SLC24A2: variants seen among roughly 807,000 people sequenced by gnomAD.
SLC24A2 encodes the protein solute carrier family 24 member 2, also known as sodium/potassium/calcium exchanger 2.
In SLC24A2, 36 loss-of-function variants were observed where a neutral mutation model predicts 62.0. That is an observed-to-expected ratio of 0.58 (90% confidence interval 0.44 to 0.77). The LOEUF is 0.77. Among genes scored for constraint, SLC24A2 ranks in the 30% least tolerant of loss-of-function variants. The pLI is 0.00. For synonymous variants in SLC24A2, 358 were observed against 294.0 expected (o/e 1.22, Z -2.23); for missense variants, 846 against 817.9 (o/e 1.03, Z -0.42).
the SLC24A2 span, among the ~76,000 whole-genome samples, chr9:20,303,154 T>C: frequency 6.6e-6 from 1 of 152,118 alleles, no homozygotes; most frequent in Non-Finnish European, 1.5e-5. Flanking sequence ...GAAAAATTCA[T>C]CATAAGGCTG....
At chr9:20,073,668 A>T in the SLC24A2 span, among the ~76,000 whole-genome samples, 177 of 151,766 alleles carry the variant, frequency 1.2e-3, 2 homozygotes, top group East Asian at 0.017. Flanking sequence ...CTTCCACAGG[A>T]CTCGTTAAAA....
the SLC24A2 span, among the ~76,000 whole-genome samples, chr9:20,147,693 GA>G: frequency 6.6e-6 from 1 of 151,950 alleles, no homozygotes; most frequent in South Asian, 2.1e-4. Flanking sequence ...CTTCCCTTCT[GA>G]AATAAACTCA....
At chr9:20,140,473 G>T in the SLC24A2 span, among the ~76,000 whole-genome samples, 1 of 152,176 alleles carries the variant, frequency 6.6e-6, no homozygotes, top group African/African-American at 2.4e-5. Context: ...CTATTCCCTT[G>T]TGAAGACTCA....
At chr9:19,531,344 G>A (rs529598429) in intron 8 of SLC24A2, among the ~76,000 whole-genome samples, 10 of 152,318 alleles carry the variant, frequency 6.6e-5, no homozygotes, top group African/African-American at 2.2e-4. Flanking sequence ...TCATTGGAAG[G>A]AAGAAAATAG....
the SLC24A2 span, among the ~76,000 whole-genome samples, chr9:20,234,470 A>G: frequency 2.0e-5 from 3 of 151,984 alleles, no homozygotes; most frequent in African/African-American, 7.3e-5. Context: ...ACTTCATTTC[A>G]TTCATTTCGT....
At chr9:19,906,505 C>CA in the SLC24A2 span, among the ~76,000 whole-genome samples, 1 of 151,708 alleles carries the variant, frequency 6.6e-6, no homozygotes, top group Non-Finnish European at 1.5e-5. Context: ...AATAGAGACA[C>CA]AAAAAACCCT....
rs757283843 is a variant in SLC24A2 at position 19,785,930 on chromosome 9, C to T, written c.930+7G>A. 2 of 1,614,170 alleles carry T rather than the reference C, an allele frequency of 1.2e-6. No individual in the cohort carries two copies. The highest frequency in any genetic ancestry group is 1.7e-6 in the Non-Finnish European group (2 of 1,180,014). Reference sequence around the variant, plus strand: ...AAAGCATTAAATAAAAATCCACCACCACCAACCTTTGCTTGGGCTTCTGGT... The same window carrying T: ...AAAGCATTAAATAAAAATCCACCACTACCAACCTTTGCTTGGGCTTCTGGT... On this transcript the variant is annotated splice_region_variant and intron_variant, in intron 2 of 10. Transcript: ENST00000341998.
At chr9:19,919,974 A>G in the SLC24A2 span, among the ~76,000 whole-genome samples, 1 of 152,126 alleles carries the variant, frequency 6.6e-6, no homozygotes. Context: ...TATATTCAAT[A>G]TATTGGAAAA....
intron 2 of SLC24A2, among the ~76,000 whole-genome samples, chr9:19,629,728 T>G (rs1818128489): frequency 6.6e-6 from 1 of 152,226 alleles, no homozygotes; most frequent in Non-Finnish European, 1.5e-5. Flanking sequence ...ATATTTAGTT[T>G]ATTTGGAAGT....
At chr9:19,893,300 C>G in the SLC24A2 span, among the ~76,000 whole-genome samples, 1 of 152,160 alleles carries the variant, frequency 6.6e-6, no homozygotes, top group African/African-American at 2.4e-5. Context: ...CTCTCCATTC[C>G]CCATCAATCC....
chr9:20,090,508 G>A, the SLC24A2 span, among the ~76,000 whole-genome samples: 7 of 152,232 alleles, frequency 4.6e-5, no homozygotes, highest in South Asian at 2.1e-4. Context: ...CCCCACGCCT[G>A]AGCAAGAGTC....
At chr9:19,517,242 AT>A in intron 10 of SLC24A2, among the ~76,000 whole-genome samples, 1 of 152,162 alleles carries the variant, frequency 6.6e-6, no homozygotes, top group African/African-American at 2.4e-5. Context: ...GAACATGGGC[AT>A]TTCCAAGTGG....
the SLC24A2 span, among the ~76,000 whole-genome samples, chr9:20,057,405 T>C: frequency 4.6e-5 from 7 of 152,190 alleles, no homozygotes; most frequent in Non-Finnish European, 5.9e-5. Context: ...CTTTCTCCTG[T>C]AGTAGGGGTA....
the SLC24A2 span, among the ~76,000 whole-genome samples, chr9:20,188,020 T>G: frequency 1.3e-5 from 2 of 152,212 alleles, no homozygotes; most frequent in South Asian, 4.1e-4. Flanking sequence ...GCACAGTACT[T>G]GGCACATCAT....
the SLC24A2 span, among the ~76,000 whole-genome samples, chr9:19,824,964 G>C: frequency 6.6e-6 from 1 of 152,074 alleles, no homozygotes; most frequent in Admixed American, 6.6e-5. Flanking sequence ...AGTGGGAGTT[G>C]AACAATGAGA....
At chr9:19,947,804 AAAAAAAAGAAAGAAAG>A in the SLC24A2 span, among the ~76,000 whole-genome samples, 2 of 21,656 alleles carry the variant, frequency 9.2e-5, no homozygotes, top group African/African-American at 2.6e-4. Flanking sequence ...AAAAAAAAAA[AAAAAAAAGAAAGAAAG>A]AAAGAAAGAA....
chr9:19,777,522 TTCTA>T (rs1029028122), intron 2 of SLC24A2, among the ~76,000 whole-genome samples: 16 of 152,186 alleles, frequency 1.1e-4, no homozygotes, highest in African/African-American at 3.9e-4. Flanking sequence ...GAAAATGGCT[TTCTA>T]TATTATGATA....
the SLC24A2 span, among the ~76,000 whole-genome samples, chr9:19,840,763 C>T: frequency 6.6e-6 from 1 of 152,072 alleles, no homozygotes; most frequent in Non-Finnish European, 1.5e-5. Context: ...TAGAAGGTAC[C>T]CTTGAGCTCC....
intron 2 of SLC24A2, among the ~76,000 whole-genome samples, chr9:19,774,260 T>C (rs1822777421): frequency 6.6e-6 from 1 of 152,164 alleles, no homozygotes; most frequent in Non-Finnish European, 1.5e-5. Flanking sequence ...TCATCAAAAA[T>C]TCATACCCTC....
Sources: gnomAD v4.1 joint callset for allele counts (sites outside exome capture counted in the v4.1 genomes callset) on GRCh38, gnomAD v4.1.1 for gene constraint, MANE v1.5 for transcripts, NCBI Gene and HGNC (gene_info 2026-07-23, HGNC 2026-07-21) for gene names.